Variants in NSMCE2 observed in about 807,000 individuals in gnomAD.
The protein encoded by NSMCE2 is NSE2 SUMO ligase component of SMC5/6 complex.
NSMCE2 carries 24 observed loss-of-function variants against 23.8 expected under a neutral mutation model. The ratio of observed to expected loss-of-function variants is 1.01; its 90% CI spans 0.73 to 1.42. The LOEUF is 1.42. Ranked by LOEUF, NSMCE2 falls within the 40% of genes most tolerant of loss-of-function variation. The probability of loss-of-function intolerance (pLI) is 0.00; values close to 1 mark genes in which losing one functional copy is unlikely to be tolerated. For missense variants in NSMCE2, 284 were observed against 296.5 expected (o/e 0.96, Z 0.31); for synonymous variants, 92 against 94.1 (o/e 0.98, Z 0.13).
At chr8:125,251,710 T>A (rs539851775) in intron 5 of NSMCE2, among the ~76,000 whole-genome samples, 2 of 152,374 alleles carry the variant, frequency 1.3e-5, no homozygotes, top group South Asian at 4.1e-4. Context: ...ATTAGCTGAC[T>A]TCATCTTTAC....
rs767130489 is a variant in NSMCE2, at chr8:125,102,484, C to T, written c.154C>T (p.Gln52Ter). Residue 52 changes from glutamine (Q) to a stop codon, truncating the protein, a stop_gained, in exon 3 of 8, where the codon CAG becomes TAG. Transcript: ENST00000287437. LOFTEE classifies it high-confidence loss of function. Reference sequence around the variant, plus strand: ...TGTTGCTTTGGATCTTGTGGAAAGTCAGAGTAAGTAAAATTAAAACCTCTT... The same window carrying T: ...TGTTGCTTTGGATCTTGTGGAAAGTTAGAGTAAGTAAAATTAAAACCTCTT... ...SSVALDLVES[Q>*]TEVSSEYSMD... 38 of 1,613,028 alleles carry T rather than the reference C, an allele frequency of 2.4e-5. No homozygotes were observed. The highest frequency in any genetic ancestry group is 3.1e-5 in the Non-Finnish European group (37 of 1,179,168).
At chr8:125,221,472 G>A (rs1380190295) in intron 5 of NSMCE2, among the ~76,000 whole-genome samples, 2 of 152,200 alleles carry the variant, frequency 1.3e-5, no homozygotes, top group Non-Finnish European at 2.9e-5. Flanking sequence ...TTGAACTCCT[G>A]GGCTCAAGCA....
chr8:125,224,689 C>T (rs1361575486), intron 5 of NSMCE2, among the ~76,000 whole-genome samples: 1 of 152,144 alleles, frequency 6.6e-6, no homozygotes, highest in East Asian at 1.9e-4. Context: ...CTAATATCGA[C>T]TGTTGACCTT....
chr8:125,192,329 GT>G (rs34715537), intron 5 of NSMCE2, among the ~76,000 whole-genome samples: 15,621 of 142,802 alleles, frequency 0.11, 1,048 homozygotes, highest in African/African-American at 0.2. Flanking sequence ...TTTTTAAAAG[GT>G]TTTTTTTTTT....
chr8:125,108,601 A>G (rs1485710511), intron 3 of NSMCE2, among the ~76,000 whole-genome samples: 2 of 152,212 alleles, frequency 1.3e-5, no homozygotes, highest in East Asian at 3.8e-4. Flanking sequence ...AATATATGCT[A>G]AGTGCTCTCA....
At chr8:125,151,038 G>GTT (rs1053272271) in intron 3 of NSMCE2, 133 bp from the exon 4 acceptor site, 1 of 446,142 alleles carries the variant, frequency 2.2e-6, no homozygotes, top group Non-Finnish European at 4.0e-6. Context: ...TTTTGAGGAG[G>GTT]TTTTTTTAAA....
In NSMCE2 at chr8:125,151,196, G is replaced by A; in HGVS notation, c.183G>A (p.Met61Ile). 6.2e-7 allele frequency: 1 copy of A among 1,603,762 alleles called. No individual in the cohort carries two copies. The highest frequency in any genetic ancestry group is 8.5e-7 in the Non-Finnish European group (1 of 1,171,706). ...SQTEVSSEYS[M>I]DKAMVEFATL... ...CTGAAGTGAGTAGTGAATATAGTAT[G>A]GACAAGGCAATGGTTGAATTTGCTA... Residue 61 changes from methionine to isoleucine, a missense_variant, in exon 4 of 8, where the codon ATG (methionine) becomes ATA (isoleucine). Physicochemically the swap from Met to Ile is conservative, Grantham distance 10 (BLOSUM62 1). Transcript: ENST00000287437.
chr8:125,098,772 G>A (rs761246492), intron 1 of NSMCE2, among the ~76,000 whole-genome samples: 5 of 152,044 alleles, frequency 3.3e-5, no homozygotes, highest in Non-Finnish European at 7.4e-5. Context: ...AGATGGGGCA[G>A]GTTGTAAAAG....
intron 7 of NSMCE2, among the ~76,000 whole-genome samples, chr8:125,366,287 T>C (rs1414151161): frequency 2.6e-5 from 4 of 152,158 alleles, no homozygotes; most frequent in Non-Finnish European, 5.9e-5. Context: ...ACGCCGGTAA[T>C]CCCAGCACTT....
chr8:125,095,183 G>A, intron 1 of NSMCE2, among the ~76,000 whole-genome samples: 1 of 152,148 alleles, frequency 6.6e-6, no homozygotes, highest in Middle Eastern at 3.2e-3. Context: ...TGTGCCTAGT[G>A]CCTATCATAT....
chr8:125,211,606 G>A (rs1281807420), intron 5 of NSMCE2, among the ~76,000 whole-genome samples: 1 of 152,168 alleles, frequency 6.6e-6, no homozygotes, highest in African/African-American at 2.4e-5. Context: ...AAATACTGGT[G>A]GGATTACTGA....
At chr8:125,276,144 C>G (rs1229116626) in intron 5 of NSMCE2, among the ~76,000 whole-genome samples, 1 of 152,182 alleles carries the variant, frequency 6.6e-6, no homozygotes, top group Non-Finnish European at 1.5e-5. Context: ...TACATTTAGA[C>G]AAAGAATGCC....
intron 3 of NSMCE2, among the ~76,000 whole-genome samples, chr8:125,139,924 G>A (rs1172412562): frequency 1.3e-5 from 2 of 152,216 alleles, no homozygotes; most frequent in Admixed American, 6.5e-5. Context: ...CTTCCTGGGA[G>A]TAGTTTCTCC....
intron 5 of NSMCE2, among the ~76,000 whole-genome samples, chr8:125,204,482 C>T (rs1586608088): frequency 6.6e-6 from 1 of 152,212 alleles, no homozygotes; most frequent in African/African-American, 2.4e-5. Flanking sequence ...TTCCTCCAAT[C>T]ATCAGCCTTA....
chr8:125,249,180 A>AAC (rs1318370493), intron 5 of NSMCE2, among the ~76,000 whole-genome samples: 1 of 152,076 alleles, frequency 6.6e-6, no homozygotes, highest in African/African-American at 2.4e-5. Flanking sequence ...CAAAAAAAAA[A>AAC]AAAAATAGGC....
intron 3 of NSMCE2, among the ~76,000 whole-genome samples, chr8:125,134,722 C>CTT (rs34284298): frequency 0.015 from 1,709 of 117,694 alleles, 32 homozygotes; most frequent in African/African-American, 0.018. Context: ...TAACGGATTC[C>CTT]TTTTTTTTTT....
chr8:125,248,869 A>G (rs180947984), intron 5 of NSMCE2, among the ~76,000 whole-genome samples: 22 of 152,182 alleles, frequency 1.4e-4, no homozygotes, highest in Admixed American at 1.4e-3. Context: ...ACTCAGGTAT[A>G]ATAATTGGCA....
At chr8:125,114,460 T>G (rs979983620) in intron 3 of NSMCE2, among the ~76,000 whole-genome samples, 2 of 152,238 alleles carry the variant, frequency 1.3e-5, no homozygotes, top group African/African-American at 4.8e-5. Flanking sequence ...CACACCCATG[T>G]TCATGGATTA....
chr8:125,324,139 C>G (rs1360953447), intron 5 of NSMCE2, among the ~76,000 whole-genome samples: 1 of 152,136 alleles, frequency 6.6e-6, no homozygotes, highest in Admixed American at 6.5e-5. Flanking sequence ...CACTACACAC[C>G]TATTAGGATA....
Sources: gnomAD v4.1 joint callset for allele counts (sites outside exome capture counted in the v4.1 genomes callset) on GRCh38, gnomAD v4.1.1 for gene constraint, MANE v1.5 for transcripts, NCBI Gene and HGNC (gene_info 2026-07-23, HGNC 2026-07-21) for gene names.